The following INPP5B variants were observed in gnomAD, a reference collection of about 807,000 sequenced individuals.
INPP5B encodes type II inositol 1,4,5-trisphosphate 5-phosphatase.
A neutral mutation model predicts 118.5 loss-of-function variants in INPP5B; 90 were observed. The observed-to-expected ratio is 0.76, with a 90% CI of 0.64 to 0.90. The LOEUF (loss-of-function observed/expected upper bound fraction) is 0.90, where lower values mean the gene tolerates loss of function less well. Ranked by LOEUF, INPP5B falls within the 40% of genes least tolerant of loss-of-function variation. The pLI, the probability that INPP5B is intolerant of heterozygous loss-of-function variation, is 0.00. For missense variants in INPP5B, 984 were observed against 1,125.6 expected (o/e 0.87, Z 1.80); for synonymous variants, 385 against 418.9 (o/e 0.92, Z 0.99).
chr1:37,940,694 A>G lies in INPP5B; in HGVS notation c.385T>C (p.Cys129Arg), dbSNP rs755171918. ...AGCCTGGGGTCTTACCTACCTGGAC[A>G]GGCCCTGGCAACTTCGTGGAGGAAC... ...RMFLHEVARA[C>R]PGFDSATRDP... is the part of the protein sequence containing the mutation. Residue 129 changes from cysteine (C) to arginine (R), a missense_variant, in exon 6 of 24, where the codon TGT becomes CGT. Physicochemically the swap from Cys to Arg is radical, Grantham distance 180 (BLOSUM62 -3). Around this residue, in one of 2 missense-constraint regions of INPP5B, gnomAD observed 350 missense variants for 334.6 expected, o/e 1.05. Coordinates refer to ENST00000373024, the MANE Select transcript of INPP5B (RefSeq NM_005540.3). The G allele has an allele frequency of 2.5e-6, 4 of 1,610,194 alleles. No individual in the cohort carries two copies. The African/African-American group carries it at 5.3e-5, about 22-fold the overall frequency.
chr1:37,946,017 C>T (rs1481471489), intron 2 of INPP5B, among the ~76,000 whole-genome samples, 167 bp from the exon 3 acceptor site: 2 of 152,234 alleles, frequency 1.3e-5, no homozygotes, highest in Non-Finnish European at 2.9e-5. Context: ...CTAAGCCTTC[C>T]TTATCTATGA....
At chr1:37,873,940 G>T in intron 18 of INPP5B, 53 bp downstream of exon 18, 1 of 1,374,562 alleles carries the variant, frequency 7.3e-7, no homozygotes, top group South Asian at 1.7e-5. Context: ...AGCAAATATA[G>T]AGTAAGGCAT....
chr1:37,864,482 A>T (rs918185313), intron 22 of INPP5B, 59 bp from the exon 23 acceptor site: 15 of 1,007,972 alleles, frequency 1.5e-5, no homozygotes, highest in Non-Finnish European at 2.2e-5. Context: ...TCAAGTGCCT[A>T]CTATAGTCCA....
intron 7 of INPP5B, among the ~76,000 whole-genome samples, chr1:37,902,484 C>T (rs189142511): frequency 3.4e-4 from 51 of 152,234 alleles, no homozygotes; most frequent in African/African-American, 1.1e-3. Context: ...AATCCCAAGG[C>T]TTTGAGAAGC....
chr1:37,910,702 G>T (rs983769631), intron 7 of INPP5B, among the ~76,000 whole-genome samples: 4 of 152,008 alleles, frequency 2.6e-5, no homozygotes, highest in African/African-American at 9.7e-5. Context: ...CTACAGCATG[G>T]CCTTTTAAAG....
chr1:37,873,232 G>A (rs1642579064), intron 18 of INPP5B, 67 bp from the exon 19 acceptor site: 2 of 1,098,116 alleles, frequency 1.8e-6, no homozygotes, highest in South Asian at 2.5e-5. Flanking sequence ...AAGAAGGCAG[G>A]AGGGAAGAGG....
In INPP5B at chr1:37,862,270, G is replaced by A; in HGVS notation, c.*45C>T. 3.2e-6 allele frequency: 4 copies of A among 1,248,518 alleles called. No homozygotes were observed. Among genetic ancestry groups the A allele is most frequent in the Non-Finnish European group, 4.7e-6 (4 of 848,154 alleles). 77.3% of individuals were successfully genotyped at this position (1,248,518 alleles called of 1,614,324 possible). A position where few individuals can be genotyped will look rare whatever the true frequency, so the allele number is the denominator to read the frequency against. On this transcript the variant is annotated 3_prime_UTR_variant, in exon 24 of 24. Coordinates refer to ENST00000373024, the MANE Select transcript of INPP5B (RefSeq NM_005540.3). ...GCATCTCTTGAGCTGAAACAGGTGG[G>A]GCTGGTAATTGGCAGCCTCAAGTAA...
In INPP5B at chr1:37,946,298, G is replaced by C. The variant is rs1444051565; in HGVS notation, c.11C>G (p.Ser4Cys). The change falls in exon 2 of 24, where the codon TCT becomes TGT. Residue 4 changes from serine to cysteine, a missense_variant. Ser to Cys is a moderately radical substitution (Grantham distance 112). Around this residue, in one of 2 missense-constraint regions of INPP5B, gnomAD observed 350 missense variants for 334.6 expected, o/e 1.05. Transcript: ENST00000373024. The stretch of plus-strand genomic sequence containing the variant: ...AGCCAGCGTCTCCTGGATTGCCACA[G>C]ACTGGTCCATGCTGGCCCCTGCTGA... MDQ[S>C]VAIQETLAEG... The C allele has an allele frequency of 6.2e-7, 1 of 1,611,972 alleles. No homozygotes were observed. The highest frequency in any genetic ancestry group is 1.3e-5 in the African/African-American group (1 of 75,032).
chr1:37,910,301 C>T (rs1487980885), intron 7 of INPP5B, among the ~76,000 whole-genome samples: 2 of 152,162 alleles, frequency 1.3e-5, no homozygotes, highest in Non-Finnish European at 2.9e-5. Flanking sequence ...TGGGTATTGA[C>T]AGCCAGGCGT....
intron 7 of INPP5B, among the ~76,000 whole-genome samples, chr1:37,917,284 G>A (rs1166301704): frequency 1.2e-4 from 12 of 96,722 alleles, no homozygotes; most frequent in Non-Finnish European, 2.1e-4. Flanking sequence ...GCAAGACTCC[G>A]TCTCGGGGGA....
At chr1:37,883,333 C>A in intron 13 of INPP5B, 2 of 985,458 alleles carry the variant, frequency 2.0e-6, no homozygotes, top group Non-Finnish European at 2.4e-6. Flanking sequence ...ACCCACAAAA[C>A]ACACTCTCAG....
At chr1:37,897,895 C>G (rs1316644196) in intron 7 of INPP5B, among the ~76,000 whole-genome samples, 1 of 152,042 alleles carries the variant, frequency 6.6e-6, no homozygotes, top group Non-Finnish European at 1.5e-5. Context: ...GTGATCTTGT[C>G]ACTGCACTCC....
At chr1:37,899,933 C>A (rs942663621) in intron 7 of INPP5B, among the ~76,000 whole-genome samples, 4 of 151,736 alleles carry the variant, frequency 2.6e-5, no homozygotes, top group African/African-American at 9.7e-5. Flanking sequence ...CCGGGATGAT[C>A]TCGGTCTCCT....
At chr1:37,899,771 G>A (rs1400970901) in intron 7 of INPP5B, among the ~76,000 whole-genome samples, 3 of 150,716 alleles carry the variant, frequency 2.0e-5, no homozygotes, top group Non-Finnish European at 4.4e-5. Context: ...CTGAAGTGCA[G>A]CGGCACGATC....
chr1:37,908,270 G>A (rs534460171), intron 7 of INPP5B, among the ~76,000 whole-genome samples: 84 of 152,114 alleles, frequency 5.5e-4, no homozygotes, highest in Non-Finnish European at 9.9e-4. Flanking sequence ...CCCTCACTCC[G>A]TGACCTCAGG....
chr1:37,927,686 A>T (rs1049949436), intron 7 of INPP5B, among the ~76,000 whole-genome samples: 3 of 151,170 alleles, frequency 2.0e-5, no homozygotes, highest in Non-Finnish European at 3.0e-5. Context: ...ACAGGCGCCC[A>T]CCACCATGCC....
At chr1:37,946,175 T>C (rs1646104199) in intron 2 of INPP5B, 77 bp downstream of exon 2, 4 of 1,364,770 alleles carry the variant, frequency 2.9e-6, no homozygotes, top group Non-Finnish European at 3.1e-6. Flanking sequence ...GGAGAGGGGA[T>C]AGACACCTCG....
intron 23 of INPP5B, among the ~76,000 whole-genome samples, chr1:37,862,799 G>A (rs968819338): frequency 2.6e-5 from 4 of 152,160 alleles, no homozygotes; most frequent in East Asian, 1.9e-4. Flanking sequence ...AAGCCAAAGC[G>A]GGCAGATCAC....
chr1:37,862,491 C>T lies in INPP5B; in HGVS notation c.2627-61G>A. On this transcript the variant is annotated intron_variant, in intron 23 of 23. Transcript: ENST00000373024. ...AAAAGAAGGTACTAAAGACACACAT[C>T]ACTTAACGACAGGGATATGTTCTGA... is the stretch of plus-strand genomic sequence containing the variant. The T allele has an allele frequency of 3.1e-6, 3 of 978,492 alleles. No homozygotes were observed. The Admixed American group carries it at 5.1e-5, about 17-fold the overall frequency. The allele number at this position is 978,492 out of a possible 1,614,324, so 60.6% of individuals were successfully genotyped here.
Sources: gnomAD v4.1 joint callset for allele counts (sites outside exome capture counted in the v4.1 genomes callset) on GRCh38, gnomAD v4.1.1 for gene constraint, gnomAD v4.1.1 regional missense constraint, MANE v1.5 for transcripts, NCBI Gene and HGNC (gene_info 2026-07-23, HGNC 2026-07-21) for gene names.